The following MAGI2 variants were observed in gnomAD, a reference collection of about 807,000 sequenced individuals.
MAGI2 encodes the protein membrane-associated guanylate kinase, WW and PDZ domain-containing protein 2.
Under a neutral mutation model 133.3 loss-of-function variants are expected in MAGI2, and 35 were observed. The observed-to-expected ratio is 0.26, with a 90% CI of 0.20 to 0.35. The LOEUF is 0.35. Ranked by LOEUF, MAGI2 falls within the 10% of genes least tolerant of loss-of-function variation. MAGI2 has a pLI of 1.00. For synonymous variants in MAGI2, 729 were observed against 710.6 expected (o/e 1.03, Z -0.41); for missense variants, 1,636 against 1,863.4 (o/e 0.88, Z 2.25).
intron 21 of MAGI2, among the ~76,000 whole-genome samples, chr7:78,055,406 G>A (rs3779326): frequency 0.12 from 18,683 of 152,164 alleles, 1,629 homozygotes; most frequent in African/African-American, 0.24. Context: ...TTGTCAGTGT[G>A]CTTCTGAGTC....
intron 1 of MAGI2, among the ~76,000 whole-genome samples, chr7:79,220,032 T>G (rs1164174420): frequency 1.3e-5 from 2 of 152,034 alleles, no homozygotes; most frequent in African/African-American, 4.8e-5. Flanking sequence ...ATTACCAAAA[T>G]GTCTCCCTTA....
intron 2 of MAGI2, among the ~76,000 whole-genome samples, chr7:78,641,724 C>T (rs539933013): frequency 4.6e-5 from 7 of 152,048 alleles, no homozygotes; most frequent in African/African-American, 1.7e-4. Context: ...AAACAACCAA[C>T]CAGGTAGCTT....
chr7:79,161,459 G>A (rs1161534919), intron 1 of MAGI2, among the ~76,000 whole-genome samples: 1 of 152,052 alleles, frequency 6.6e-6, no homozygotes, highest in Non-Finnish European at 1.5e-5. Flanking sequence ...TTACTGCCTT[G>A]TGATGGAATG....
chr7:79,396,902 A>G (rs1020028475), intron 1 of MAGI2, among the ~76,000 whole-genome samples: 2 of 152,082 alleles, frequency 1.3e-5, no homozygotes, highest in African/African-American at 4.8e-5. Context: ...GAACACCTTG[A>G]CGGTTAGTAG....
chr7:78,599,538 A>G (rs988215456), intron 3 of MAGI2, among the ~76,000 whole-genome samples: 2 of 152,150 alleles, frequency 1.3e-5, no homozygotes, highest in African/African-American at 4.8e-5. Flanking sequence ...TTAACAGAAA[A>G]TTTTTTGAAA....
intron 1 of MAGI2, among the ~76,000 whole-genome samples, chr7:79,016,170 T>C (rs952767169): frequency 4.0e-5 from 6 of 151,842 alleles, no homozygotes; most frequent in African/African-American, 1.5e-4. Flanking sequence ...ACCCAGAGAG[T>C]TTGGTGTGGG....
Position 78,018,474 on chromosome 7 carries a change from ATT to A in MAGI2, c.*839_*840del, listed in dbSNP as rs1807965429. On this transcript the variant is annotated 3_prime_UTR_variant, in exon 22 of 22. Transcript: ENST00000354212. ...AGCGTTGCCTATCTTGATTAAACAA[ATT>A]GTGGTCCTTCAATTATAAAATTCAT... is the stretch of plus-strand genomic sequence containing the variant. 1 of 152,242 alleles carries A rather than the reference ATT, an allele frequency of 6.6e-6. No individual in the cohort carries two copies. Among genetic ancestry groups the A allele is most frequent in the Non-Finnish European group, 1.5e-5 (1 of 68,046 alleles). 9.4% of individuals were successfully genotyped at this position (152,242 alleles called of 1,614,324 possible).
intron 6 of MAGI2, among the ~76,000 whole-genome samples, chr7:78,454,306 C>T (rs1424263760): frequency 6.6e-6 from 1 of 152,136 alleles, no homozygotes; most frequent in Non-Finnish European, 1.5e-5. Flanking sequence ...ACTTTTCCCC[C>T]TATTTGAGCC....
chr7:78,341,704 T>A (rs2151180487), intron 9 of MAGI2, among the ~76,000 whole-genome samples: 1 of 152,292 alleles, frequency 6.6e-6, no homozygotes, highest in East Asian at 1.9e-4. Flanking sequence ...AAACAAGCAA[T>A]GGGGAAAGAA....
chr7:78,696,229 C>A (rs1040636655), intron 2 of MAGI2, among the ~76,000 whole-genome samples: 1 of 152,186 alleles, frequency 6.6e-6, no homozygotes, highest in Non-Finnish European at 1.5e-5. Flanking sequence ...TGAACCACTG[C>A]ACCTAGCCTC....
intron 21 of MAGI2, among the ~76,000 whole-genome samples, chr7:78,052,631 G>A (rs74672264): frequency 6.6e-6 from 1 of 152,294 alleles, no homozygotes; most frequent in South Asian, 2.1e-4. Context: ...ATATCACACG[G>A]CCCCTGCCAG....
At chr7:78,756,981 C>T (rs1273984930) in intron 2 of MAGI2, among the ~76,000 whole-genome samples, 1 of 152,012 alleles carries the variant, frequency 6.6e-6, no homozygotes, top group Non-Finnish European at 1.5e-5. Context: ...TTCTGTAGAC[C>T]ACTCCCTTTC....
chr7:78,638,987 A>C (rs1237945569), intron 2 of MAGI2, among the ~76,000 whole-genome samples: 1 of 152,140 alleles, frequency 6.6e-6, no homozygotes, highest in East Asian at 1.9e-4. Flanking sequence ...AAGCTTTTAT[A>C]GTCTCCTCAT....
intron 2 of MAGI2, among the ~76,000 whole-genome samples, chr7:78,799,702 G>T (rs906296643): frequency 9.2e-5 from 14 of 152,146 alleles, no homozygotes; most frequent in Non-Finnish European, 4.4e-5. Flanking sequence ...TTTTAAAGTA[G>T]TAAGTCTTAA....
intron 20 of MAGI2, among the ~76,000 whole-genome samples, chr7:78,111,799 G>A (rs934757708): frequency 6.6e-6 from 1 of 152,256 alleles, no homozygotes; most frequent in Non-Finnish European, 1.5e-5. Flanking sequence ...TGATGGCTGA[G>A]AGACAACCAG....
chr7:79,294,721 CTT>C (rs1161010284), intron 1 of MAGI2, among the ~76,000 whole-genome samples: 2 of 83,166 alleles, frequency 2.4e-5, no homozygotes, highest in Admixed American at 2.0e-4. Flanking sequence ...ATTTTGGTAG[CTT>C]TTTTTTTTTT....
intron 3 of MAGI2, among the ~76,000 whole-genome samples, chr7:78,589,235 C>T (rs189123914): frequency 1.3e-4 from 20 of 152,318 alleles, no homozygotes; most frequent in Middle Eastern, 3.4e-3. Context: ...TTCACACTTA[C>T]ACGGTGCTGA....
chr7:78,436,353 A>C (rs73148310), intron 6 of MAGI2, among the ~76,000 whole-genome samples: 3,642 of 152,232 alleles, frequency 0.024, 72 homozygotes, highest in Middle Eastern at 0.037. Flanking sequence ...AGGCTGCCAA[A>C]TCAGACATAG....
At chr7:78,514,285 AATT>A (rs1795856505) in intron 4 of MAGI2, among the ~76,000 whole-genome samples, 1 of 150,810 alleles carries the variant, frequency 6.6e-6, no homozygotes, top group South Asian at 2.1e-4. Flanking sequence ...ATAATTATAA[AATT>A]ATTAATAGTA....
Sources: allele counts gnomAD v4.1 joint callset (sites outside exome capture counted in the v4.1 genomes callset), GRCh38; gene constraint gnomAD v4.1.1; transcripts MANE v1.5; gene names NCBI Gene and HGNC (gene_info 2026-07-23, HGNC 2026-07-21).